TSHR: variants seen among roughly 807,000 people sequenced by gnomAD.
TSHR encodes thyrotropin receptor.
A neutral mutation model predicts 64.1 loss-of-function variants in TSHR; 51 were observed. The ratio of observed to expected loss-of-function variants is 0.80; its 90% CI spans 0.64 to 1.01. TSHR has a LOEUF of 1.01. Ranked by LOEUF, TSHR falls within the 50% of genes least tolerant of loss-of-function variation. TSHR has a pLI of 0.00. For synonymous variants in TSHR, 361 were observed against 361.9 expected (o/e 1.00, Z 0.03); for missense variants, 877 against 942.8 (o/e 0.93, Z 0.91).
intron 1 of TSHR, among the ~76,000 whole-genome samples, chr14:81,037,840 A>C (rs1222897625): frequency 3.3e-5 from 5 of 152,000 alleles, no homozygotes; most frequent in African/African-American, 9.7e-5. Flanking sequence ...ATATTATAAC[A>C]TCTAAAGAGT....
intron 3 of TSHR, among the ~76,000 whole-genome samples, chr14:81,081,652 T>C (rs986501944): frequency 7.2e-5 from 11 of 152,226 alleles, no homozygotes; most frequent in Non-Finnish European, 1.2e-4. Context: ...TAGAACCCTG[T>C]CCTAAAATGT....
intron 1 of TSHR, among the ~76,000 whole-genome samples, chr14:80,977,910 C>G (rs1003978026): frequency 6.6e-6 from 1 of 151,916 alleles, no homozygotes; most frequent in Non-Finnish European, 1.5e-5. Context: ...TTTCTAATAT[C>G]CCCTTGCACC....
At chr14:81,088,797 C>T (rs1020443568) in intron 4 of TSHR, among the ~76,000 whole-genome samples, 1 of 152,158 alleles carries the variant, frequency 6.6e-6, no homozygotes, top group South Asian at 2.1e-4. Flanking sequence ...TTCAGTTCAT[C>T]TTCATCCAGA....
intron 1 of TSHR, among the ~76,000 whole-genome samples, chr14:80,963,801 G>A (rs1172349662): frequency 6.6e-6 from 1 of 152,188 alleles, no homozygotes. Flanking sequence ...ACTCAGGGGA[G>A]AAGGGCAGGA....
chr14:81,090,984 C>A, intron 4 of TSHR, 85 bp from the exon 5 acceptor site: 1 of 1,166,350 alleles, frequency 8.6e-7, no homozygotes, highest in Non-Finnish European at 1.3e-6. Context: ...CCCATGCTTT[C>A]AGCTATTACA....
chr14:81,142,086 AT>A (rs938263413), intron 9 of TSHR, among the ~76,000 whole-genome samples: 16 of 149,484 alleles, frequency 1.1e-4, no homozygotes, highest in Middle Eastern at 3.5e-3. Flanking sequence ...CAGCATCCAC[AT>A]TTTTTTTTTA....
intron 1 of TSHR, among the ~76,000 whole-genome samples, chr14:81,021,660 T>C (rs1883759421): frequency 6.6e-6 from 1 of 152,224 alleles, no homozygotes; most frequent in African/African-American, 2.4e-5. Flanking sequence ...TAATTGCATT[T>C]ATTGCTTTAC....
At chr14:81,081,816 G>C (rs947748041) in intron 3 of TSHR, among the ~76,000 whole-genome samples, 2 of 152,030 alleles carry the variant, frequency 1.3e-5, no homozygotes, top group African/African-American at 4.8e-5. Flanking sequence ...ATACCACCCA[G>C]AGTATGCAGC....
intron 3 of TSHR, chr14:81,087,489 C>A: frequency 4.3e-6 from 1 of 231,592 alleles, no homozygotes; most frequent in South Asian, 6.1e-5. Flanking sequence ...TCTGGTATGG[C>A]AATGACAGAG....
chr14:80,973,324 G>T (rs1594903755), intron 1 of TSHR, among the ~76,000 whole-genome samples: 1 of 148,178 alleles, frequency 6.7e-6, no homozygotes. Context: ...AGAATGGCGT[G>T]AACCCCGGGG....
chr14:80,959,754 T>G (rs574687744), intron 1 of TSHR, among the ~76,000 whole-genome samples: 1 of 152,354 alleles, frequency 6.6e-6, no homozygotes, highest in East Asian at 1.9e-4. Flanking sequence ...TTTACTCATT[T>G]GCATTCTGCA....
intron 4 of TSHR, among the ~76,000 whole-genome samples, chr14:81,089,987 G>A (rs910601207): frequency 6.6e-6 from 1 of 151,812 alleles, no homozygotes; most frequent in Non-Finnish European, 1.5e-5. Flanking sequence ...TCTACCAGAA[G>A]ACCTTCTCTA....
chr14:81,081,057 G>T (rs1887864412), intron 3 of TSHR, among the ~76,000 whole-genome samples: 1 of 152,156 alleles, frequency 6.6e-6, no homozygotes, highest in Non-Finnish European at 1.5e-5. Flanking sequence ...CGAACCTTTA[G>T]TCACAGCTAC....
At chr14:81,017,534 G>C (rs1450708020) in intron 1 of TSHR, among the ~76,000 whole-genome samples, 1 of 152,084 alleles carries the variant, frequency 6.6e-6, no homozygotes, top group African/African-American at 2.4e-5. Flanking sequence ...AGAACAGCTG[G>C]TACCCAAATG....
chr14:81,088,085 T>C, intron 4 of TSHR, 57 bp downstream of exon 4: 1 of 1,342,048 alleles, frequency 7.5e-7, no homozygotes, highest in Non-Finnish European at 1.1e-6. Flanking sequence ...TCAGATTTAA[T>C]GCTGTTGTCT....
intron 1 of TSHR, among the ~76,000 whole-genome samples, chr14:81,041,870 C>G (rs1266815992): frequency 1.3e-5 from 2 of 152,118 alleles, no homozygotes. Flanking sequence ...GCTATACAAT[C>G]TAGGTCTATG....
chr14:81,050,704 CAAAT>C (rs1444948773), intron 1 of TSHR: 10 of 152,172 alleles, frequency 6.6e-5, no homozygotes, highest in East Asian at 3.9e-4. Context: ...TTTTAATTGA[CAAAT>C]AATTATATCT....
chr14:80,956,538 A>G (rs990605532), intron 1 of TSHR, among the ~76,000 whole-genome samples: 2 of 152,250 alleles, frequency 1.3e-5, no homozygotes, highest in South Asian at 4.1e-4. Flanking sequence ...ATACACACAC[A>G]ACCTGTTTCT....
intron 1 of TSHR, among the ~76,000 whole-genome samples, chr14:81,056,268 C>T (rs1437695427): frequency 6.6e-6 from 1 of 152,114 alleles, no homozygotes; most frequent in Non-Finnish European, 1.5e-5. Context: ...ACCTCTTTTT[C>T]TTCGCAGTCT....
Sources: gnomAD v4.1 joint callset for allele counts (sites outside exome capture counted in the v4.1 genomes callset) on GRCh38, gnomAD v4.1.1 for gene constraint, MANE v1.5 for transcripts, NCBI Gene and HGNC (gene_info 2026-07-23, HGNC 2026-07-21) for gene names.